MFHAS1: variants seen among roughly 807,000 people sequenced by gnomAD.
MFHAS1 encodes the protein multifunctional ROCO family signaling regulator 1.
In MFHAS1, 50 loss-of-function variants were observed where a neutral mutation model predicts 70.4. The ratio of observed to expected loss-of-function variants is 0.71; its 90% confidence interval spans 0.57 to 0.90. The LOEUF (loss-of-function observed/expected upper bound fraction) is 0.90, where lower values mean the gene tolerates loss of function less well. Ranked by LOEUF, MFHAS1 falls within the 40% of genes least tolerant of loss-of-function variation. The probability of loss-of-function intolerance (pLI) is 0.00; values close to 1 mark genes in which losing one functional copy is unlikely to be tolerated. For missense variants in MFHAS1, 1,795 were observed against 1,347.6 expected, an observed-to-expected ratio of 1.33 and a Z score of -5.20; for synonymous variants, 952 against 620.0, an observed-to-expected ratio of 1.54 and a Z score of -7.96.
At chr8:8,884,492 G>C (rs1163256385) in intron 1 of MFHAS1, among the ~76,000 whole-genome samples, 1 of 152,148 alleles carries the variant, frequency 6.6e-6, no homozygotes, top group East Asian at 1.9e-4. Flanking sequence ...CAAGAATTTT[G>C]CTTTGCTTCA....
chr8:8,891,775 G>A lies in MFHAS1; in HGVS notation c.1284C>T (p.Cys428=), dbSNP rs1207170028. Reference sequence around the variant, plus strand: ...ATCCCTCCACTCTCTCCTCGGTGAGGCAGTGGCGCAGCAAAGTCTTTCCTG... The same window carrying A: ...ATCCCTCCACTCTCTCCTCGGTGAGACAGTGGCGCAGCAAAGTCTTTCCTG... ...KAAGKTLLRH[C]LTEERVEGCP... is the part of the protein sequence containing the mutation. The change falls in exon 1 of 3, where the codon TGC becomes TGT. Residue 428 remains cysteine, a synonymous_variant. Transcript: ENST00000276282. This position sits in a 1 kb window ranked among gnomAD's most constrained non-coding sequence, Gnocchi z 5.4. The A allele has an allele frequency of 1.9e-6, 3 of 1,613,320 alleles. No individual in the cohort carries two copies. Among genetic ancestry groups the A allele is most frequent in the Non-Finnish European group, 1.7e-6 (2 of 1,180,032 alleles).
chr8:8,813,333 T>A (rs1806619661), intron 1 of MFHAS1, among the ~76,000 whole-genome samples: 1 of 152,236 alleles, frequency 6.6e-6, no homozygotes, highest in African/African-American at 2.4e-5. Context: ...ATCATTCTTT[T>A]AGGGTGTACT....
intron 1 of MFHAS1, among the ~76,000 whole-genome samples, chr8:8,884,982 C>T (rs1339730158): frequency 6.6e-6 from 1 of 151,474 alleles, no homozygotes; most frequent in Non-Finnish European, 1.5e-5. Context: ...TTATTTCTCA[C>T]AAAAAGACCA....
intron 1 of MFHAS1, among the ~76,000 whole-genome samples, chr8:8,826,186 A>G (rs919898195): frequency 3.3e-5 from 5 of 152,108 alleles, no homozygotes; most frequent in Non-Finnish European, 7.4e-5. Context: ...TATTCCACAG[A>G]GGTAACTACT....
intron 1 of MFHAS1, among the ~76,000 whole-genome samples, chr8:8,854,058 T>C (rs1302417659): frequency 6.6e-6 from 1 of 152,100 alleles, no homozygotes; most frequent in Non-Finnish European, 1.5e-5. Flanking sequence ...GAGCAAAAAA[T>C]CCTTTGTAAG....
At chr8:8,839,011 G>A (rs1807706717) in intron 1 of MFHAS1, among the ~76,000 whole-genome samples, 1 of 151,990 alleles carries the variant, frequency 6.6e-6, no homozygotes. Context: ...TCAAGTACAA[G>A]TTACTACTCA....
At chr8:8,832,875 AT>A (rs1335007417) in intron 1 of MFHAS1, among the ~76,000 whole-genome samples, 2 of 152,122 alleles carry the variant, frequency 1.3e-5, no homozygotes, top group African/African-American at 4.8e-5. Context: ...TATTGGTCGA[AT>A]TGTGTAGTAG....
chr8:8,884,313 G>C (rs1055723121), intron 1 of MFHAS1, among the ~76,000 whole-genome samples: 2 of 152,196 alleles, frequency 1.3e-5, no homozygotes, highest in Non-Finnish European at 2.9e-5. Context: ...GTCCCAGGGA[G>C]TTCAGAGGCC....
intron 1 of MFHAS1, among the ~76,000 whole-genome samples, chr8:8,874,373 C>CACACACACACAT (rs929974916): frequency 6.7e-6 from 1 of 148,424 alleles, no homozygotes; most frequent in East Asian, 2.0e-4. Flanking sequence ...CACACACACA[C>CACACACACACAT]ATAATAATCT....
Position 8,838,249 on chromosome 8 carries a change from G to A in MFHAS1, c.2999-40758C>T, listed in dbSNP as rs143546783. On this transcript the variant is annotated intron_variant, in intron 1 of 2. Transcript: ENST00000276282. ...AGCCCATCAGTGGTTGCCTGAGGCT[G>A]GCATGAGGGAGGCCTGGCTGGGAAG... Among the ~76,000 whole-genome samples the A allele has an allele frequency of 4.5e-3, 681 of 152,324 alleles. 7 individuals carry two copies. Among genetic ancestry groups the A allele is most frequent in the Non-Finnish European group, 7.5e-3 (507 of 68,024 alleles).
At chr8:8,886,837 C>G (rs1249016820) in intron 1 of MFHAS1, among the ~76,000 whole-genome samples, 1 of 152,070 alleles carries the variant, frequency 6.6e-6, no homozygotes, top group Non-Finnish European at 1.5e-5. Flanking sequence ...CTTAAAAAGA[C>G]AAAGGTGGCC....
At chr8:8,850,583 TGTAATTTCAG>T (rs1808207034) in intron 1 of MFHAS1, among the ~76,000 whole-genome samples, 3 of 152,106 alleles carry the variant, frequency 2.0e-5, no homozygotes, top group Non-Finnish European at 4.4e-5. Context: ...AGCTCACGCC[TGTAATTTCAG>T]CACTTTGGGA....
Position 8,834,623 on chromosome 8 carries a change from C to T in MFHAS1, c.2999-37132G>A, listed in dbSNP as rs190957337. Among the ~76,000 whole-genome samples the T allele has an allele frequency of 1.3e-3, 197 of 152,274 alleles. 3 individuals are homozygous for T. The highest frequency in any genetic ancestry group is 4.0e-3 in the African/African-American group (167 of 41,538). ...CAGGCTTGACCATATAGCCTAGGTG[C>T]ATAATAGGTTGTAACATGTAAGTTA... is the stretch of plus-strand genomic sequence containing the variant. On this transcript the variant is annotated intron_variant, in intron 1 of 2. Transcript: ENST00000276282.
intron 1 of MFHAS1, among the ~76,000 whole-genome samples, chr8:8,852,127 G>C (rs148774538): frequency 2.3e-4 from 35 of 152,238 alleles, no homozygotes; most frequent in African/African-American, 8.4e-4. Flanking sequence ...CCTCCAGAGA[G>C]CTGAGGTTTC....
intron 1 of MFHAS1, among the ~76,000 whole-genome samples, chr8:8,862,446 G>A (rs1043961507): frequency 6.7e-6 from 1 of 148,160 alleles, no homozygotes; most frequent in African/African-American, 2.5e-5. Flanking sequence ...ACTATAGATT[G>A]TCTCTTCATC....
chr8:8,875,977 G>A (rs1385237543), intron 1 of MFHAS1, among the ~76,000 whole-genome samples: 3 of 152,176 alleles, frequency 2.0e-5, no homozygotes, highest in Non-Finnish European at 4.4e-5. Flanking sequence ...CCTCTTCTAT[G>A]AAGAAAAGAG....
intron 1 of MFHAS1, among the ~76,000 whole-genome samples, chr8:8,877,357 G>T (rs1015900522): frequency 4.2e-5 from 6 of 143,996 alleles, no homozygotes; most frequent in Non-Finnish European, 9.2e-5. Context: ...AATAAAAATG[G>T]CATTTTCAGT....
intron 1 of MFHAS1, among the ~76,000 whole-genome samples, chr8:8,887,235 T>A (rs1809793657): frequency 6.6e-6 from 1 of 152,352 alleles, no homozygotes; most frequent in African/African-American, 2.4e-5. Flanking sequence ...ATTCAATGAA[T>A]CTATTTTTAA....
chr8:8,786,732 A>G (rs970939441), intron 2 of MFHAS1, among the ~76,000 whole-genome samples: 4 of 152,000 alleles, frequency 2.6e-5, no homozygotes, highest in African/African-American at 9.7e-5. Context: ...TTTTAATAAA[A>G]TATACAAAGA....
Sources: allele counts gnomAD v4.1 joint callset (sites outside exome capture counted in the v4.1 genomes callset), GRCh38; gene constraint gnomAD v4.1.1; non-coding constraint Gnocchi (gnomAD v3.1); transcripts MANE v1.5; gene names NCBI Gene and HGNC (gene_info 2026-07-23, HGNC 2026-07-21).